The following SYN2 variants were observed in gnomAD, a reference collection of about 807,000 sequenced individuals.
SYN2 encodes the protein synapsin II.
Under a neutral mutation model 50.9 loss-of-function variants are expected in SYN2, and 19 were observed. The ratio of observed to expected loss-of-function variants is 0.37; its 90% CI spans 0.26 to 0.55. The LOEUF is 0.55. SYN2 is among the 20% of genes least tolerant of loss of function. The pLI, the probability that SYN2 is intolerant of heterozygous loss-of-function variation, is 0.81. For synonymous variants in SYN2, 255 were observed against 224.9 expected (o/e 1.13, Z -1.20); for missense variants, 587 against 576.4 (o/e 1.02, Z -0.19).
chr3:12,187,323 AT>A, intron 11 of SYN2, 45 bp from the exon 12 acceptor site: 1 of 1,481,118 alleles, frequency 6.8e-7, no homozygotes, highest in African/African-American at 1.4e-5. Flanking sequence ...ATAAGGAAAC[AT>A]TTTTATATGG....
chr3:12,169,866 C>A lies in SYN2; in HGVS notation c.1268C>A (p.Ala423Asp), dbSNP rs1338413314. The A allele has an allele frequency of 6.2e-7, 1 of 1,613,032 alleles. No homozygotes were observed. The highest frequency in any genetic ancestry group is 8.5e-7 in the Non-Finnish European group (1 of 1,179,434). The change falls in exon 10 of 13, where the codon GCC (alanine) becomes GAC (aspartate). Residue 423 changes from alanine (A) to aspartate (D), a missense_variant. Transcript: ENST00000621198. ...AACCAGCTGCTGTCCAGGACTCCTG[C>A]CCTGTCTCCTCAGAGACCCCTAACA... ...KMNQLLSRTP[A>D]LSPQRPLTTQ...
At chr3:12,165,771 A>G (rs1490029597) in intron 7 of SYN2, 1 of 152,186 alleles carries the variant, frequency 6.6e-6, no homozygotes, top group Non-Finnish European at 1.5e-5. Flanking sequence ...TTAAGAAGAC[A>G]GTTATTTTTA....
chr3:12,033,346 C>T (rs982038409), intron 1 of SYN2, among the ~76,000 whole-genome samples: 6 of 152,132 alleles, frequency 3.9e-5, no homozygotes, highest in Non-Finnish European at 7.3e-5. Context: ...AGCTGTAGAC[C>T]GGAGCTGTTC....
At chr3:12,034,507 G>GA (rs980885083) in intron 1 of SYN2, among the ~76,000 whole-genome samples, 89 of 152,038 alleles carry the variant, frequency 5.9e-4, no homozygotes, top group African/African-American at 2.0e-3. Context: ...AATTTATAAA[G>GA]AAAAAAAACA....
intron 10 of SYN2, 120 bp downstream of exon 10, chr3:12,170,026 A>G: frequency 8.0e-7 from 1 of 1,249,660 alleles, no homozygotes; most frequent in Non-Finnish European, 1.1e-6. Context: ...ATGGGATCTA[A>G]GGAGACATCT....
chr3:12,169,948 C>T (rs1283360872), intron 10 of SYN2, 42 bp downstream of exon 10: 1 of 1,559,224 alleles, frequency 6.4e-7, no homozygotes. Flanking sequence ...AAGAACCATT[C>T]CCAAGCCCAC....
At chr3:12,175,828 C>G (rs1330099143) in intron 10 of SYN2, among the ~76,000 whole-genome samples, 2 of 152,172 alleles carry the variant, frequency 1.3e-5, no homozygotes, top group Non-Finnish European at 2.9e-5. Context: ...GTACACATTT[C>G]AAAGGAATAG....
At chr3:12,010,290 C>A (rs531012947) in intron 1 of SYN2, among the ~76,000 whole-genome samples, 1 of 152,170 alleles carries the variant, frequency 6.6e-6, no homozygotes, top group South Asian at 2.1e-4. Context: ...TCTGTAATAA[C>A]CTTGTTCTTT....
chr3:12,184,787 T>C, intron 11 of SYN2: 1 of 985,914 alleles, frequency 1.0e-6, no homozygotes, highest in Non-Finnish European at 1.2e-6. Context: ...CAGTGCCTCA[T>C]CTTGCCATCT....
chr3:12,004,580 C>G lies in SYN2; in HGVS notation c.29C>G (p.Ser10Trp). Residue 10 changes from serine (S) to tryptophan (W), a missense_variant, in exon 1 of 13, where the codon TCG becomes TGG. By Grantham distance (177) the Ser-to-Trp change is radical. Transcript: ENST00000621198. ...ATGAACTTCCTGCGGCGCCGGCTGTCGGACAGCAGCTTCATCGCCAACCTG... is the reference window on the plus strand; with the variant it reads ...ATGAACTTCCTGCGGCGCCGGCTGTGGGACAGCAGCTTCATCGCCAACCTG... MMNFLRRRL[S>W]DSSFIANLPN... 3 of 670,120 alleles carry G rather than the reference C, an allele frequency of 4.5e-6. No homozygotes were observed. The highest frequency in any genetic ancestry group is 5.6e-6 in the Non-Finnish European group (2 of 360,064). 41.5% of individuals were successfully genotyped at this position (670,120 alleles called of 1,614,324 possible).
At chr3:12,042,739 A>T (rs1319280438) in intron 1 of SYN2, among the ~76,000 whole-genome samples, 1 of 152,216 alleles carries the variant, frequency 6.6e-6, no homozygotes, top group Non-Finnish European at 1.5e-5. Context: ...TAGATCCTAA[A>T]TCCAATGGCT....
intron 1 of SYN2, among the ~76,000 whole-genome samples, chr3:12,106,901 C>T (rs1048126277): frequency 6.6e-6 from 1 of 151,652 alleles, no homozygotes; most frequent in African/African-American, 2.4e-5. Context: ...TGGAATTTTG[C>T]GAATTGCTGA....
chr3:12,091,549 T>G (rs559358367), intron 1 of SYN2, among the ~76,000 whole-genome samples: 4 of 152,164 alleles, frequency 2.6e-5, no homozygotes, highest in African/African-American at 4.8e-5. Context: ...GTGACTTATT[T>G]GAGATCACAT....
At chr3:12,088,211 A>G (rs1695753112) in intron 1 of SYN2, among the ~76,000 whole-genome samples, 2 of 152,206 alleles carry the variant, frequency 1.3e-5, no homozygotes, top group African/African-American at 4.8e-5. Context: ...AAACAACTCA[A>G]TAACAAGAAA....
intron 1 of SYN2, among the ~76,000 whole-genome samples, chr3:12,058,756 T>G (rs1559403297): frequency 6.6e-6 from 1 of 152,332 alleles, no homozygotes; most frequent in East Asian, 1.9e-4. Flanking sequence ...AAAGATTCTG[T>G]TAGAGTGTCA....
chr3:12,166,318 G>A (rs1317013943), intron 7 of SYN2, among the ~76,000 whole-genome samples: 1 of 152,184 alleles, frequency 6.6e-6, no homozygotes, highest in Non-Finnish European at 1.5e-5. Flanking sequence ...CTGGATGAAG[G>A]CTGATAATTA....
rs370075778 is a variant in SYN2 at position 12,169,903 on chromosome 3, A to G, written c.1305A>G (p.Pro435=). The G allele has an allele frequency of 3.1e-6, 5 of 1,606,730 alleles. No individual in the cohort carries two copies. The highest frequency in any genetic ancestry group is 2.6e-6 in the Non-Finnish European group (3 of 1,176,472). Residue 435 remains proline (P), a synonymous_variant, in exon 10 of 13, where the codon CCA becomes CCG. Transcript: ENST00000621198. ...AGAGACCCCTAACAACCCAGCAGCC[A>G]CAGGTAAGCAGCTAGGAAGAGACAT... ...SPQRPLTTQQ[P]QSGTLKDPDS...
intron 1 of SYN2, chr3:12,071,255 G>A: frequency 1.8e-6 from 1 of 553,924 alleles, no homozygotes; most frequent in Non-Finnish European, 3.6e-6. Context: ...TACTCTGTGT[G>A]GATCTGCAGC....
At chr3:12,040,728 T>C (rs1443401134) in intron 1 of SYN2, among the ~76,000 whole-genome samples, 1 of 152,174 alleles carries the variant, frequency 6.6e-6, no homozygotes, top group Non-Finnish European at 1.5e-5. Context: ...TAAAAATATA[T>C]CCAATATTTG....
Sources: gnomAD v4.1 joint callset for allele counts (sites outside exome capture counted in the v4.1 genomes callset) on GRCh38, gnomAD v4.1.1 for gene constraint, MANE v1.5 for transcripts, NCBI Gene and HGNC (gene_info 2026-07-23, HGNC 2026-07-21) for gene names.